The following SAMTOR variants were observed in gnomAD, a reference collection of about 807,000 sequenced individuals.
SAMTOR encodes the protein S-adenosylmethionine sensor upstream of mTORC1.
At chr7:112,821,726 G>A in the SAMTOR span, 2 of 1,563,246 alleles carry the variant, frequency 1.3e-6, no homozygotes, top group South Asian at 2.5e-5. Flanking sequence ...GGACTGAAAG[G>A]GGCTTTTTGC....
chr7:112,877,578 T>A, the SAMTOR span, among the ~76,000 whole-genome samples: 2 of 152,158 alleles, frequency 1.3e-5, no homozygotes, highest in Non-Finnish European at 2.9e-5. Context: ...AAACAAAAAA[T>A]TTATCAATAA....
At chr7:112,860,496 TAGTTA>T in the SAMTOR span, among the ~76,000 whole-genome samples, 1 of 152,086 alleles carries the variant, frequency 6.6e-6, no homozygotes, top group African/African-American at 2.4e-5. Context: ...TTCTTGCTCT[TAGTTA>T]AGTGCATACA....
the SAMTOR span, among the ~76,000 whole-genome samples, chr7:112,924,700 GAA>G: frequency 5.9e-5 from 9 of 152,104 alleles, no homozygotes; most frequent in East Asian, 1.2e-3. Context: ...AAAAAGCAGG[GAA>G]AAGTTTTCTA....
the SAMTOR span, among the ~76,000 whole-genome samples, chr7:112,871,144 AATTTGAC>A: frequency 6.6e-6 from 1 of 152,174 alleles, no homozygotes; most frequent in East Asian, 1.9e-4. Context: ...TCTGGACTTA[AATTTGAC>A]ACTTGACCAA....
the SAMTOR span, chr7:112,822,216 T>C: frequency 6.2e-7 from 1 of 1,613,324 alleles, no homozygotes; most frequent in Non-Finnish European, 8.5e-7. Flanking sequence ...AGATGGAAAA[T>C]AAGAAAGAAG....
At chr7:112,903,131 T>C in the SAMTOR span, among the ~76,000 whole-genome samples, 6 of 152,140 alleles carry the variant, frequency 3.9e-5, no homozygotes, top group South Asian at 2.1e-4. Flanking sequence ...CTGACCAACA[T>C]AGTAAAACCC....
At chr7:112,879,469 T>C in the SAMTOR span, among the ~76,000 whole-genome samples, 1 of 152,034 alleles carries the variant, frequency 6.6e-6, no homozygotes, top group African/African-American at 2.4e-5. Context: ...TAAAAGAAGA[T>C]AACATCGCAG....
At chr7:112,879,828 C>T in the SAMTOR span, among the ~76,000 whole-genome samples, 22 of 152,082 alleles carry the variant, frequency 1.4e-4, no homozygotes, top group African/African-American at 5.3e-4. Context: ...GCTTAAAACT[C>T]ATTTGAAAAT....
the SAMTOR span, among the ~76,000 whole-genome samples, chr7:112,835,214 T>C: frequency 1.3e-5 from 2 of 152,104 alleles, no homozygotes; most frequent in South Asian, 2.1e-4. Flanking sequence ...TCTCGATTGT[T>C]TATCTGTATA....
chr7:112,930,157 C>T, the SAMTOR span, among the ~76,000 whole-genome samples: 2 of 152,076 alleles, frequency 1.3e-5, no homozygotes, highest in Admixed American at 1.3e-4. Context: ...TTTTCTCTAA[C>T]ACAAGGTAAG....
chr7:112,845,221 A>C, the SAMTOR span, among the ~76,000 whole-genome samples: 4 of 152,236 alleles, frequency 2.6e-5, no homozygotes, highest in African/African-American at 9.6e-5. Flanking sequence ...CAATCACAAC[A>C]AAAGCAAAAT....
chr7:112,858,052 T>C, the SAMTOR span, among the ~76,000 whole-genome samples: 1 of 152,146 alleles, frequency 6.6e-6, no homozygotes, highest in Admixed American at 6.5e-5. Context: ...GCTCCAGGGC[T>C]GGGTTAGGAG....
At chr7:112,860,725 C>T in the SAMTOR span, among the ~76,000 whole-genome samples, 1 of 151,726 alleles carries the variant, frequency 6.6e-6, no homozygotes, top group African/African-American at 2.4e-5. Context: ...CAGGCTAACA[C>T]GGTGAAACCC....
At chr7:112,923,277 C>T in the SAMTOR span, among the ~76,000 whole-genome samples, 2 of 151,924 alleles carry the variant, frequency 1.3e-5, no homozygotes, top group Middle Eastern at 3.2e-3. Context: ...TGCTTGAAGG[C>T]AGCATGCTCC....
the SAMTOR span, among the ~76,000 whole-genome samples, chr7:112,918,178 T>A: frequency 4.6e-5 from 7 of 151,924 alleles, no homozygotes; most frequent in African/African-American, 7.3e-5. Context: ...AAGGAAAAAA[T>A]GTTAAAGGCA....
the SAMTOR span, among the ~76,000 whole-genome samples, chr7:112,884,563 T>TAAACCTC: frequency 1.6e-4 from 25 of 152,256 alleles, no homozygotes; most frequent in African/African-American, 5.8e-4. Flanking sequence ...GGGCAGTCAT[T>TAAACCTC]AAACCTCCAA....
chr7:112,839,164 A>C, the SAMTOR span, among the ~76,000 whole-genome samples: 2 of 151,850 alleles, frequency 1.3e-5, no homozygotes, highest in Non-Finnish European at 2.9e-5. Flanking sequence ...TGACAAGGTA[A>C]AAGAAACTAC....
the SAMTOR span, among the ~76,000 whole-genome samples, chr7:112,832,894 TAAAAA>T: frequency 1.3e-5 from 2 of 152,156 alleles, no homozygotes; most frequent in African/African-American, 4.8e-5. Flanking sequence ...TTATTAGACT[TAAAAA>T]GGATAGTAAA....
the SAMTOR span, among the ~76,000 whole-genome samples, chr7:112,866,650 T>C: frequency 6.6e-6 from 1 of 152,214 alleles, no homozygotes; most frequent in South Asian, 2.1e-4. Flanking sequence ...AGGGCTCTTC[T>C]ACAGAGTTTC....
Sources: allele counts gnomAD v4.1 joint callset (sites outside exome capture counted in the v4.1 genomes callset), GRCh38; gene constraint gnomAD v4.1.1; transcripts MANE v1.5; gene names NCBI Gene and HGNC (gene_info 2026-07-23, HGNC 2026-07-21).